The following GALNT8 variants were observed in gnomAD, a reference collection of about 807,000 sequenced individuals.
GALNT8 encodes probable polypeptide N-acetylgalactosaminyltransferase 8.
Under a neutral mutation model 62.7 loss-of-function variants are expected in GALNT8, and 66 were observed. That is an observed-to-expected ratio of 1.05 (90% CI 0.86 to 1.29). The LOEUF is 1.29. GALNT8 is among the 50% of genes most tolerant of loss of function. The pLI is 0.00. For missense variants in GALNT8, 771 were observed against 791.8 expected (o/e 0.97, Z 0.32); for synonymous variants, 288 against 294.3 (o/e 0.98, Z 0.22).
In GALNT8 at chr12:4,760,992, C is replaced by T. The variant is rs1946369115; in HGVS notation, c.1208C>T (p.Pro403Leu). 9.3e-6 allele frequency: 15 copies of T among 1,614,018 alleles called. No individual in the cohort carries two copies. The highest frequency in any genetic ancestry group is 1.3e-5 in the Non-Finnish European group (15 of 1,180,002). ...WQCGGKVEIL[P>L]CSRIAHLERH... The stretch of plus-strand genomic sequence containing the variant: ...TGTGGAGGGAAGGTCGAGATTTTGC[C>T]CTGTTCCCGGATTGCCCACCTAGAG... The change falls in exon 7 of 11, where the codon CCC (proline) becomes CTC (leucine). Residue 403 changes from proline to leucine, a missense_variant. Physicochemically the swap from Pro to Leu is moderately conservative, Grantham distance 98 (BLOSUM62 -3). Transcript: ENST00000252318.
In GALNT8 at chr12:4,745,622, G is replaced by T. The variant is rs778531344; in HGVS notation, c.1054G>T (p.Val352Leu). The T allele has an allele frequency of 2.5e-6, 4 of 1,611,716 alleles. No individual in the cohort carries two copies. In the South Asian group the frequency reaches 3.3e-5, roughly 13 times the overall value. ...TGATCTGCATGATGTCACTGCCCCA[G>T]TGAAGTAAGTCTGAGGAGATTCAGG... is the stretch of plus-strand genomic sequence containing the variant. The part of the protein sequence containing the change: ...WIDLHDVTAP[V>L]KSPSIMGILA... Residue 352 changes from valine (V) to leucine (L), a missense_variant, in exon 5 of 11, where the codon GTG (valine) becomes TTG (leucine). Coordinates refer to ENST00000252318, the MANE Select transcript of GALNT8 (RefSeq NM_017417.2).
intron 1 of GALNT8, among the ~76,000 whole-genome samples, chr12:4,721,694 G>C (rs564408196): frequency 1.4e-3 from 214 of 151,780 alleles, no homozygotes; most frequent in African/African-American, 4.8e-3. Context: ...GCCCAGGGAC[G>C]GGCAGGAGAC....
intron 3 of GALNT8, among the ~76,000 whole-genome samples, chr12:4,739,541 C>G (rs145073359): frequency 6.6e-6 from 1 of 152,080 alleles, no homozygotes; most frequent in African/African-American, 2.4e-5. Flanking sequence ...GATGAGGAAA[C>G]TGAGACACAA....
intron 3 of GALNT8, among the ~76,000 whole-genome samples, chr12:4,739,765 C>T (rs142098075): frequency 2.6e-3 from 398 of 151,356 alleles, no homozygotes; most frequent in Admixed American, 5.1e-3. Context: ...ACTGGGTCCG[C>T]GCCATTCTCC....
rs763568953 is a variant in GALNT8, at chr12:4,720,728, G to A, written c.51G>A (p.Leu17=). The A allele has an allele frequency of 2.5e-6, 4 of 1,613,844 alleles. No homozygotes were observed. In the East Asian group the frequency reaches 8.9e-5, roughly 36 times the overall value. The change falls in exon 1 of 11, where the codon CTG becomes CTA. Residue 17 remains leucine, a synonymous_variant. Coordinates refer to ENST00000252318, the MANE Select transcript of GALNT8 (RefSeq NM_017417.2). ...AAGCCCTCTTCATTGGGCTGACTCTGGCCATTGCTGTCAATCTCCTTCTGG... is the reference window on the plus strand; with the variant it reads ...AAGCCCTCTTCATTGGGCTGACTCTAGCCATTGCTGTCAATCTCCTTCTGG... ...LPKALFIGLT[L]AIAVNLLLVF...
Position 4,765,376 on chromosome 12 carries a change from T to TA in GALNT8, c.1594-2dup, listed in dbSNP as rs752141271. ...GCTTTTTTTTTTTTTTTTTTTTTTTTAGAATGTCTACTATCACCTAACTGG... is the reference window on the plus strand; with the variant it reads ...GCTTTTTTTTTTTTTTTTTTTTTTTTAAGAATGTCTACTATCACCTAACTGG... On this transcript the variant is annotated splice_region_variant and splice_polypyrimidine_tract_variant and intron_variant, in intron 9 of 10. Transcript: ENST00000252318. 1.3e-5 allele frequency: 14 copies of TA among 1,077,172 alleles called. No homozygotes were observed. The African/African-American group carries it at 2.2e-4, about 17-fold the overall frequency. 66.7% of individuals were successfully genotyped at this position (1,077,172 alleles called of 1,614,324 possible). A position where few individuals can be genotyped will look rare whatever the true frequency, so the allele number is the denominator to read the frequency against.
chr12:4,766,725 G>A (rs531066801), intron 10 of GALNT8, among the ~76,000 whole-genome samples: 39 of 152,002 alleles, frequency 2.6e-4, no homozygotes, highest in Admixed American at 3.3e-4. Flanking sequence ...CTCCTGGAGG[G>A]AGCTACTGCT....
At chr12:4,765,200 AAGG>A (rs1946393515) in intron 9 of GALNT8, among the ~76,000 whole-genome samples, 176 bp from the exon 10 acceptor site, 1 of 151,936 alleles carries the variant, frequency 6.6e-6, no homozygotes. Flanking sequence ...AGGAGAGACT[AAGG>A]AGAAGGAAGC....
At chr12:4,745,987 G>A (rs71579268) in intron 5 of GALNT8, among the ~76,000 whole-genome samples, 157 bp from the exon 6 acceptor site, 4 of 152,204 alleles carry the variant, frequency 2.6e-5, no homozygotes, top group Admixed American at 2.0e-4. Context: ...GCGAGGGAAA[G>A]CTACATGCAC....
intron 6 of GALNT8, among the ~76,000 whole-genome samples, chr12:4,755,899 G>A (rs1313781136): frequency 1.3e-5 from 2 of 152,166 alleles, no homozygotes; most frequent in African/African-American, 4.8e-5. Context: ...GAGTGGCCGT[G>A]TTCCACATGT....
intron 1 of GALNT8, among the ~76,000 whole-genome samples, chr12:4,722,665 A>C (rs776109256): frequency 2.0e-5 from 3 of 152,146 alleles, no homozygotes; most frequent in African/African-American, 4.8e-5. Context: ...ACAGGGATCA[A>C]ATGCTGGAAC....
intron 10 of GALNT8, 141 bp from the exon 11 acceptor site, chr12:4,772,304 C>T (rs750629603): frequency 1.2e-5 from 9 of 721,574 alleles, no homozygotes; most frequent in Non-Finnish European, 1.2e-5. Flanking sequence ...ATTCTGCTTC[C>T]CTTTCTTCCC....
intron 9 of GALNT8, among the ~76,000 whole-genome samples, chr12:4,764,475 C>T (rs188038730): frequency 2.7e-5 from 4 of 150,296 alleles, no homozygotes; most frequent in South Asian, 2.1e-4. Context: ...GCTGAGCAGA[C>T]GCTCCTCCAA....
In GALNT8 at chr12:4,726,672, C is replaced by G; in HGVS notation, c.352C>G (p.Leu118Val). Residue 118 changes from leucine to valine, a missense_variant, in exon 2 of 11, where the codon CTC (leucine) becomes GTC (valine). Physicochemically the swap from Leu to Val is conservative, Grantham distance 32 (BLOSUM62 1). Transcript: ENST00000252318. This position sits in a 1 kb window ranked among gnomAD's most constrained non-coding sequence, Gnocchi z 4.1. ...AAAGAAGCACAAAACCCAAATGAAA[C>G]TCTTCCCACACTCACAGCTTTTCAG... ...ETKKHKTQMK[L>V]FPHSQLFRQW... 1 of 1,613,966 alleles carries G rather than the reference C, an allele frequency of 6.2e-7. No individual in the cohort carries two copies. The highest frequency in any genetic ancestry group is 8.5e-7 in the Non-Finnish European group (1 of 1,179,978).
chr12:4,723,793 A>G (rs558371854), intron 1 of GALNT8, among the ~76,000 whole-genome samples: 10 of 150,198 alleles, frequency 6.7e-5, no homozygotes, highest in African/African-American at 1.7e-4. Context: ...TATAACTAAA[A>G]GCCTGTTTAA....
At chr12:4,772,278 G>A (rs1168150336) in intron 10 of GALNT8, among the ~76,000 whole-genome samples, 167 bp from the exon 11 acceptor site, 1 of 152,206 alleles carries the variant, frequency 6.6e-6, no homozygotes, top group East Asian at 1.9e-4. Flanking sequence ...GGAAGCACGG[G>A]GTGATCTCAT....
At chr12:4,746,605 AAAAC>A (rs1318591227) in intron 6 of GALNT8, among the ~76,000 whole-genome samples, 1 of 152,180 alleles carries the variant, frequency 6.6e-6, no homozygotes, top group African/African-American at 2.4e-5. Flanking sequence ...AAAGACAGCA[AAAAC>A]AGGAGTGGGC....
At chr12:4,744,847 G>C (rs1308767137) in intron 4 of GALNT8, 147 bp downstream of exon 4, 1 of 587,686 alleles carries the variant, frequency 1.7e-6, no homozygotes, top group Non-Finnish European at 2.9e-6. Flanking sequence ...ATGCTTTTAT[G>C]CAGGGATTTT....
At chr12:4,739,921 CCTCT>C (rs1946264203) in intron 3 of GALNT8, among the ~76,000 whole-genome samples, 1 of 152,148 alleles carries the variant, frequency 6.6e-6, no homozygotes, top group South Asian at 2.1e-4. Context: ...CCCGCCTCGG[CCTCT>C]GAAAGTGCTG....
Sources: allele counts gnomAD v4.1 joint callset (sites outside exome capture counted in the v4.1 genomes callset), GRCh38; gene constraint gnomAD v4.1.1; non-coding constraint Gnocchi (gnomAD v3.1); transcripts MANE v1.5; gene names NCBI Gene and HGNC (gene_info 2026-07-23, HGNC 2026-07-21).